The following EML6 variants were observed in gnomAD, a reference collection of about 807,000 sequenced individuals.
EML6 encodes EMAP like 6, also known as echinoderm microtubule-associated protein-like 6.
EML6 carries 154 observed loss-of-function variants against 240.1 expected under a neutral mutation model. That is an observed-to-expected ratio of 0.64 (90% CI 0.56 to 0.73). The LOEUF (loss-of-function observed/expected upper bound fraction) is 0.73. EML6 is among the 30% of genes least tolerant of loss of function. The pLI is 0.00. For synonymous variants in EML6, 1,148 were observed against 899.0 expected (o/e 1.28, Z -4.95); for missense variants, 2,964 against 2,474.6 (o/e 1.20, Z -4.20).
chr2:54,944,931 G>C (rs1675603127), intron 28 of EML6, among the ~76,000 whole-genome samples: 1 of 151,242 alleles, frequency 6.6e-6, no homozygotes, highest in Non-Finnish European at 1.5e-5. Context: ...CCTAACCCTG[G>C]ATTTATCCTA....
intron 2 of EML6, among the ~76,000 whole-genome samples, chr2:54,748,811 C>A (rs1292030853): frequency 6.6e-6 from 1 of 152,164 alleles, no homozygotes; most frequent in Admixed American, 6.5e-5. Context: ...AATCCTCCCA[C>A]CTTGGCCTTT....
At chr2:54,921,052 T>C (rs1216741319) in intron 26 of EML6, among the ~76,000 whole-genome samples, 2 of 151,988 alleles carry the variant, frequency 1.3e-5, no homozygotes, top group South Asian at 2.1e-4. Context: ...TGCTCAATGA[T>C]GAAAAGCCGA....
chr2:54,729,262 G>A (rs1683050098), intron 2 of EML6, among the ~76,000 whole-genome samples: 1 of 152,356 alleles, frequency 6.6e-6, no homozygotes, highest in Middle Eastern at 3.4e-3. Context: ...CCTCTCCCAT[G>A]AGACCTTGTA....
At chr2:54,882,773 G>C (rs974336842) in intron 17 of EML6, 1 of 147,562 alleles carries the variant, frequency 6.8e-6, no homozygotes, top group South Asian at 2.1e-4. Flanking sequence ...CAGGAGAACG[G>C]CGTGAACCCG....
At chr2:54,855,014 A>G (rs898565269) in intron 11 of EML6, among the ~76,000 whole-genome samples, 2 of 152,224 alleles carry the variant, frequency 1.3e-5, no homozygotes, top group Non-Finnish European at 2.9e-5. Context: ...ACTCGATGAT[A>G]ATTGATATCC....
At chr2:54,929,991 G>A (rs1397102956) in intron 28 of EML6, among the ~76,000 whole-genome samples, 53 of 151,780 alleles carry the variant, frequency 3.5e-4, no homozygotes, top group Admixed American at 3.4e-3. Flanking sequence ...AGAATTAAGG[G>A]GAAAAAAGAA....
chr2:54,884,278 G>T (rs566232890), intron 17 of EML6, among the ~76,000 whole-genome samples: 1 of 152,130 alleles, frequency 6.6e-6, no homozygotes, highest in East Asian at 1.9e-4. Flanking sequence ...GTAGGAAGGG[G>T]CACAGAGCTT....
chr2:54,778,761 G>A (rs1040856642), intron 2 of EML6, among the ~76,000 whole-genome samples: 4 of 151,520 alleles, frequency 2.6e-5, no homozygotes, highest in Admixed American at 1.3e-4. Flanking sequence ...GTGTGGTGGC[G>A]GGTGCCTGTA....
intron 17 of EML6, 43 bp downstream of exon 17, chr2:54,879,683 G>T (rs1437608237): frequency 8.7e-7 from 1 of 1,144,132 alleles, no homozygotes; most frequent in Non-Finnish European, 1.3e-6. Flanking sequence ...CTGATACCAC[G>T]GTTCAGTAAA....
chr2:54,863,054 T>G (rs1460382437), intron 12 of EML6, among the ~76,000 whole-genome samples: 1 of 152,224 alleles, frequency 6.6e-6, no homozygotes, highest in Non-Finnish European at 1.5e-5. Flanking sequence ...TGTAGTCTTT[T>G]CATTTATCTC....
At chr2:54,921,134 A>T (rs550381764) in intron 26 of EML6, among the ~76,000 whole-genome samples, 1 of 152,214 alleles carries the variant, frequency 6.6e-6, no homozygotes, top group Non-Finnish European at 1.5e-5. Flanking sequence ...CAAAAGAGAG[A>T]AAAGGCATCC....
At chr2:54,953,845 C>A in intron 31 of EML6, 138 bp from the exon 32 acceptor site, 1 of 659,874 alleles carries the variant, frequency 1.5e-6, no homozygotes, top group Non-Finnish European at 2.5e-6. Context: ...TGAGCTGGTG[C>A]CACTGCACTC....
At chr2:54,904,683 A>G (rs998030371) in intron 24 of EML6, among the ~76,000 whole-genome samples, 30 of 152,190 alleles carry the variant, frequency 2.0e-4, no homozygotes, top group African/African-American at 6.8e-4. Flanking sequence ...GCTGGGATAG[A>G]GCAGAACTTT....
At chr2:54,809,507 T>A (rs774833334) in intron 2 of EML6, among the ~76,000 whole-genome samples, 1 of 152,120 alleles carries the variant, frequency 6.6e-6, no homozygotes, top group African/African-American at 2.4e-5. Context: ...ATCTGCTGGT[T>A]GACTAACAGC....
chr2:54,952,211 C>T (rs1217694036), intron 30 of EML6, among the ~76,000 whole-genome samples: 1 of 152,202 alleles, frequency 6.6e-6, no homozygotes, highest in East Asian at 1.9e-4. Context: ...ACCCCTACTT[C>T]TGCCCAGATG....
intron 9 of EML6, 124 bp downstream of exon 9, chr2:54,847,747 A>C: frequency 1.1e-6 from 1 of 945,452 alleles, no homozygotes; most frequent in African/African-American, 1.9e-5. Flanking sequence ...TAGGAATACT[A>C]TAGATCTACG....
rs1023033308 is a variant in EML6, at chr2:54,903,285, A to G, written c.3278-86A>G. On this transcript the variant is annotated intron_variant, in intron 23 of 41. Coordinates refer to ENST00000356458, the MANE Select transcript of EML6 (RefSeq NM_001039753.4). ...AACTATTTCAAATGTTTCTTTGACC[A>G]TTTTCCCACTTTTAAAATACTAAGT... The G allele has an allele frequency of 2.4e-4, 370 of 1,523,848 alleles. 1 individual carries two copies. The highest frequency in any genetic ancestry group is 1.7e-4 in the Middle Eastern group (1 of 5,864). 94.4% of individuals were successfully genotyped at this position (1,523,848 alleles called of 1,614,324 possible).
chr2:54,777,930 A>G (rs1421051389), intron 2 of EML6, among the ~76,000 whole-genome samples: 5 of 152,244 alleles, frequency 3.3e-5, no homozygotes, highest in African/African-American at 1.2e-4. Flanking sequence ...ATATTTACAT[A>G]TGAAAAAATA....
At chr2:54,797,758 G>A (rs903307576) in intron 2 of EML6, among the ~76,000 whole-genome samples, 2 of 152,192 alleles carry the variant, frequency 1.3e-5, no homozygotes, top group Non-Finnish European at 2.9e-5. Flanking sequence ...GAATCTGACT[G>A]CTAGGGTATA....
Sources: allele counts gnomAD v4.1 joint callset (sites outside exome capture counted in the v4.1 genomes callset), GRCh38; gene constraint gnomAD v4.1.1; transcripts MANE v1.5; gene names NCBI Gene and HGNC (gene_info 2026-07-23, HGNC 2026-07-21).